Variants in ARHGAP17 observed in about 807,000 individuals in gnomAD.
ARHGAP17 encodes the protein Rho GTPase activating protein 17.
In ARHGAP17, 57 loss-of-function variants were observed where a neutral mutation model predicts 99.5. The ratio of observed to expected loss-of-function variants is 0.57; its 90% CI spans 0.46 to 0.71. ARHGAP17 has a LOEUF of 0.71. ARHGAP17 is among the 30% of genes least tolerant of loss of function. The pLI is 0.00. For missense variants in ARHGAP17, 1,000 were observed against 1,122.4 expected, an observed-to-expected ratio of 0.89 and a Z score of 1.56; for synonymous variants, 417 against 429.6, an observed-to-expected ratio of 0.97 and a Z score of 0.36.
In ARHGAP17 at chr16:24,939,562, C is replaced by G. The variant is rs1465006104; in HGVS notation, c.1526G>C (p.Arg509Pro). The G allele has an allele frequency of 6.2e-7, 1 of 1,607,696 alleles. No homozygotes were observed. Among genetic ancestry groups the G allele is most frequent in the East Asian group, 2.2e-5 (1 of 44,700 alleles). Residue 509 changes from arginine to proline, a missense_variant, in exon 17 of 20, where the codon CGG becomes CCG. By Grantham distance (103) the Arg-to-Pro change is moderately radical (BLOSUM62 -2). Around this residue, in one of 2 missense-constraint regions of ARHGAP17, gnomAD observed 528 missense variants for 511.4 expected, o/e 1.03. Coordinates refer to ENST00000289968, the MANE Select transcript of ARHGAP17 (RefSeq NM_001006634.3). ...CTTTCTATTTAGAGTGCCACCCCGC[C>G]GGTGGGCCTGGAAGTCCATAAGCTT... ...GVKLMDFQAH[R>P]RGGTLNRKHI...
chr16:24,981,568 A>G (rs1270651237), intron 1 of ARHGAP17, among the ~76,000 whole-genome samples: 1 of 152,224 alleles, frequency 6.6e-6, no homozygotes, highest in Non-Finnish European at 1.5e-5. Flanking sequence ...AATTATGAAT[A>G]TGAATAAATG....
At chr16:24,968,793 A>T (rs1027737895) in intron 4 of ARHGAP17, 21 bp from the exon 5 acceptor site, 27 of 1,610,810 alleles carry the variant, frequency 1.7e-5, no homozygotes, top group Non-Finnish European at 2.1e-5. Flanking sequence ...AAGACCCCCA[A>T]CAACGAGCAC....
intron 1 of ARHGAP17, among the ~76,000 whole-genome samples, chr16:24,997,008 A>T (rs1445445297): frequency 6.6e-6 from 1 of 152,208 alleles, no homozygotes; most frequent in African/African-American, 2.4e-5. Flanking sequence ...TCCCACCTAT[A>T]AAAGGGATAA....
At chr16:25,001,459 G>C (rs1201725511) in intron 1 of ARHGAP17, among the ~76,000 whole-genome samples, 2 of 152,096 alleles carry the variant, frequency 1.3e-5, no homozygotes, top group African/African-American at 4.8e-5. Context: ...GAATAAATGA[G>C]TCCCAACTCA....
At chr16:24,979,642 C>T (rs139848749) in intron 1 of ARHGAP17, among the ~76,000 whole-genome samples, 256 of 152,198 alleles carry the variant, frequency 1.7e-3, no homozygotes, top group Admixed American at 5.6e-3. Flanking sequence ...CGGTGGCCAG[C>T]AATCAGAAGG....
intron 1 of ARHGAP17, among the ~76,000 whole-genome samples, chr16:25,010,292 T>C (rs2141539157): frequency 6.6e-6 from 1 of 152,274 alleles, no homozygotes; most frequent in South Asian, 2.1e-4. Context: ...CAGGCTGGTC[T>C]GAAATTCCTG....
At chr16:24,956,549 G>A (rs1465777310) in intron 9 of ARHGAP17, 1 of 152,226 alleles carries the variant, frequency 6.6e-6, no homozygotes, top group Non-Finnish European at 1.5e-5. Flanking sequence ...GCAGATCGAT[G>A]GTATAGACAA....
chr16:24,992,485 G>A (rs867353609), intron 1 of ARHGAP17, among the ~76,000 whole-genome samples: 5 of 151,824 alleles, frequency 3.3e-5, no homozygotes, highest in Admixed American at 6.6e-5. Flanking sequence ...ACAGGCGCAC[G>A]CCACCATGAC....
At chr16:24,974,267 C>T (rs1432405847) in intron 3 of ARHGAP17, among the ~76,000 whole-genome samples, 1 of 152,166 alleles carries the variant, frequency 6.6e-6, no homozygotes, top group Non-Finnish European at 1.5e-5. Context: ...CCTGTCTCTA[C>T]TAAAAATACA....
At chr16:25,011,884 G>T (rs2053652588) in intron 1 of ARHGAP17, among the ~76,000 whole-genome samples, 1 of 152,134 alleles carries the variant, frequency 6.6e-6, no homozygotes, top group African/African-American at 2.4e-5. Flanking sequence ...TGAAAATGAA[G>T]GCAGAGAAAG....
chr16:24,921,866 G>C (rs2152436155), intron 19 of ARHGAP17, among the ~76,000 whole-genome samples: 1 of 152,342 alleles, frequency 6.6e-6, no homozygotes, highest in Middle Eastern at 3.4e-3. Context: ...GCCAAAGGTG[G>C]TCTGTATGCA....
chr16:24,972,885 AG>A (rs2052407580), intron 3 of ARHGAP17, among the ~76,000 whole-genome samples: 1 of 152,090 alleles, frequency 6.6e-6, no homozygotes, highest in Admixed American at 6.5e-5. Flanking sequence ...ACTCCTCCAC[AG>A]GGAGGGCTTC....
At chr16:24,976,720 T>C (rs546920570) in intron 3 of ARHGAP17, among the ~76,000 whole-genome samples, 1 of 152,236 alleles carries the variant, frequency 6.6e-6, no homozygotes, top group Non-Finnish European at 1.5e-5. Flanking sequence ...AATAGCCAAC[T>C]TGCCATCATG....
intron 1 of ARHGAP17, among the ~76,000 whole-genome samples, chr16:24,992,191 G>T (rs2053063829): frequency 6.6e-6 from 1 of 152,202 alleles, no homozygotes. Flanking sequence ...ATGGCAACAG[G>T]TTTGAGTTTC....
chr16:24,944,690 C>T (rs999595437), intron 14 of ARHGAP17, among the ~76,000 whole-genome samples: 3 of 152,116 alleles, frequency 2.0e-5, no homozygotes, highest in Non-Finnish European at 4.4e-5. Context: ...TATCTCAGCT[C>T]ACTGCAAGCT....
chr16:24,948,441 C>T (rs1015633377), intron 13 of ARHGAP17, among the ~76,000 whole-genome samples: 12 of 152,138 alleles, frequency 7.9e-5, no homozygotes, highest in African/African-American at 2.7e-4. Flanking sequence ...GATTTTTCAT[C>T]GTATACCATT....
intron 15 of ARHGAP17, among the ~76,000 whole-genome samples, chr16:24,943,383 C>G (rs1882817210): frequency 6.6e-6 from 1 of 152,194 alleles, no homozygotes; most frequent in Admixed American, 6.5e-5. Flanking sequence ...TCCCTTTTCC[C>G]AGCACTTGAG....
At chr16:24,923,768 C>T (rs1044697939) in intron 19 of ARHGAP17, among the ~76,000 whole-genome samples, 2 of 150,780 alleles carry the variant, frequency 1.3e-5, no homozygotes, top group Non-Finnish European at 2.9e-5. Context: ...AGAGGATGAC[C>T]TCCAGTAACC....
intron 9 of ARHGAP17, among the ~76,000 whole-genome samples, chr16:24,958,943 C>T (rs28500604): frequency 0.3 from 46,076 of 151,798 alleles, 7,293 homozygotes; most frequent in East Asian, 0.5. Flanking sequence ...AACAGCTGTG[C>T]TCATCTCTGC....
Sources: allele counts gnomAD v4.1 joint callset (sites outside exome capture counted in the v4.1 genomes callset), GRCh38; gene constraint gnomAD v4.1.1; regional missense constraint gnomAD v4.1.1; transcripts MANE v1.5; gene names NCBI Gene and HGNC (gene_info 2026-07-23, HGNC 2026-07-21).